Variants in ATRNL1 observed in about 807,000 individuals in gnomAD.
ATRNL1 encodes the protein attractin like 1.
In ATRNL1, 95 loss-of-function variants were observed where a neutral mutation model predicts 182.7. The observed-to-expected ratio is 0.52, with a 90% CI of 0.44 to 0.62. The LOEUF (loss-of-function observed/expected upper bound fraction) is 0.62. Ranked by LOEUF, ATRNL1 falls within the 20% of genes least tolerant of loss-of-function variation. The pLI, the probability that ATRNL1 is intolerant of heterozygous loss-of-function variation, is 0.00. For missense variants in ATRNL1, 1,471 were observed against 1,679.5 expected (o/e 0.88, Z 2.17); for synonymous variants, 576 against 568.3 (o/e 1.01, Z -0.19).
intron 28 of ATRNL1, among the ~76,000 whole-genome samples, chr10:115,920,607 T>C (rs1252984236): frequency 6.6e-6 from 1 of 152,216 alleles, no homozygotes; most frequent in East Asian, 1.9e-4. Context: ...AGGGGGAATT[T>C]GTATAAGAAG....
At chr10:115,268,956 T>A (rs782156464) in intron 13 of ATRNL1, among the ~76,000 whole-genome samples, 2 of 152,190 alleles carry the variant, frequency 1.3e-5, no homozygotes, top group Non-Finnish European at 2.9e-5. Flanking sequence ...AGGGGACATT[T>A]TGCAGAGACA....
chr10:115,211,976 T>C (rs1357603803), intron 8 of ATRNL1, among the ~76,000 whole-genome samples: 2 of 151,870 alleles, frequency 1.3e-5, no homozygotes, highest in African/African-American at 2.4e-5. Context: ...ATTTTTCATA[T>C]TGGATAAATT....
At chr10:115,888,815 T>C (rs960011186) in intron 28 of ATRNL1, among the ~76,000 whole-genome samples, 12 of 152,334 alleles carry the variant, frequency 7.9e-5, no homozygotes, top group African/African-American at 2.6e-4. Context: ...TCCTAGCATG[T>C]GGCTCACAAG....
intron 17 of ATRNL1, among the ~76,000 whole-genome samples, chr10:115,315,026 G>A (rs1055430475): frequency 6.6e-6 from 1 of 152,142 alleles, no homozygotes; most frequent in Admixed American, 6.6e-5. Flanking sequence ...CTTGTGAGGA[G>A]CATTGTCCAT....
intron 26 of ATRNL1, among the ~76,000 whole-genome samples, chr10:115,642,845 G>T (rs1555030930): frequency 6.6e-6 from 1 of 152,200 alleles, no homozygotes; most frequent in African/African-American, 2.4e-5. Flanking sequence ...AATGAAGTTG[G>T]AGGATTGGTA....
intron 27 of ATRNL1, among the ~76,000 whole-genome samples, chr10:115,739,122 A>G (rs1555066964): frequency 6.6e-6 from 1 of 152,182 alleles, no homozygotes; most frequent in East Asian, 1.9e-4. Flanking sequence ...CAGCAACAAC[A>G]AAAAACTGGT....
chr10:115,370,130 A>C (rs1857314461), intron 19 of ATRNL1, among the ~76,000 whole-genome samples: 1 of 152,194 alleles, frequency 6.6e-6, no homozygotes, highest in Non-Finnish European at 1.5e-5. Context: ...TGTGCCTTTC[A>C]CATTCTGCCA....
At chr10:115,898,089 A>G (rs1265883066) in intron 28 of ATRNL1, among the ~76,000 whole-genome samples, 1 of 151,902 alleles carries the variant, frequency 6.6e-6, no homozygotes, top group Admixed American at 6.6e-5. Flanking sequence ...CACCACGCCC[A>G]GCTAATTTTT....
At chr10:115,379,041 T>A (rs955693894) in intron 19 of ATRNL1, among the ~76,000 whole-genome samples, 15 of 152,176 alleles carry the variant, frequency 9.9e-5, no homozygotes, top group South Asian at 2.1e-4. Flanking sequence ...TGTTTTTTTT[T>A]ATAAACAACT....
chr10:115,930,771 T>C (rs1953372102), intron 28 of ATRNL1, among the ~76,000 whole-genome samples: 1 of 152,202 alleles, frequency 6.6e-6, no homozygotes, highest in Admixed American at 6.5e-5. Context: ...TGTGTTTTTG[T>C]ACACTGACTT....
intron 19 of ATRNL1, among the ~76,000 whole-genome samples, chr10:115,342,408 A>G (rs1489177857): frequency 1.3e-5 from 2 of 151,842 alleles, no homozygotes; most frequent in Non-Finnish European, 2.9e-5. Context: ...CTTATAGCCC[A>G]TTATTTTAAC....
At chr10:115,123,442 A>G (rs1416976122) in intron 3 of ATRNL1, among the ~76,000 whole-genome samples, 1 of 152,236 alleles carries the variant, frequency 6.6e-6, no homozygotes, top group Non-Finnish European at 1.5e-5. Context: ...TTTGTACTTC[A>G]TCTTGCTAAG....
At chr10:115,794,151 C>G (rs1029760992) in intron 27 of ATRNL1, among the ~76,000 whole-genome samples, 2 of 152,088 alleles carry the variant, frequency 1.3e-5, no homozygotes, top group Non-Finnish European at 2.9e-5. Flanking sequence ...TTTGCATGCA[C>G]AAGAAAACTC....
chr10:115,704,116 C>T (rs1946824648), intron 26 of ATRNL1, among the ~76,000 whole-genome samples: 2 of 151,942 alleles, frequency 1.3e-5, no homozygotes, highest in African/African-American at 4.8e-5. Flanking sequence ...TTTGAGACAA[C>T]AGAAATGTAT....
chr10:115,219,601 C>G (rs2144431422), intron 9 of ATRNL1, among the ~76,000 whole-genome samples: 1 of 152,258 alleles, frequency 6.6e-6, no homozygotes, highest in East Asian at 1.9e-4. Flanking sequence ...TGTTGGTTGT[C>G]AACAAAAGTT....
chr10:115,203,279 C>A (rs145903755), intron 8 of ATRNL1, among the ~76,000 whole-genome samples: 107 of 152,166 alleles, frequency 7.0e-4, no homozygotes, highest in African/African-American at 2.4e-3. Context: ...AACTTCAAAC[C>A]TAGAGCAGTA....
intron 26 of ATRNL1, among the ~76,000 whole-genome samples, chr10:115,720,799 T>A (rs1169159316): frequency 3.9e-5 from 6 of 152,218 alleles, no homozygotes; most frequent in Non-Finnish European, 8.8e-5. Flanking sequence ...GCCTTGAAGA[T>A]CATTTTCAAA....
chr10:115,860,120 T>G lies in ATRNL1; in HGVS notation c.4018+12129T>G, dbSNP rs1211964702. On this transcript the variant is annotated intron_variant, in intron 28 of 28. Transcript: ENST00000355044. ...CTTCCTTAGGAGCTGGGACTGAAAC[T>G]GGTCCACAGGACTTCAGGGAGGTGG... Among the ~76,000 whole-genome samples, 5 of 152,300 alleles carry G rather than the reference T, an allele frequency of 3.3e-5. No homozygotes were observed. In the East Asian group the frequency reaches 9.7e-4, roughly 29 times the overall value.
At chr10:115,557,857 G>A (rs1014282575) in intron 26 of ATRNL1, among the ~76,000 whole-genome samples, 1 of 151,888 alleles carries the variant, frequency 6.6e-6, no homozygotes, top group African/African-American at 2.4e-5. Context: ...CCATCCTGGC[G>A]AACATGGTGA....
Sources: gnomAD v4.1 joint callset for allele counts (sites outside exome capture counted in the v4.1 genomes callset) on GRCh38, gnomAD v4.1.1 for gene constraint, MANE v1.5 for transcripts, NCBI Gene and HGNC (gene_info 2026-07-23, HGNC 2026-07-21) for gene names.